KDM2A: variants seen among roughly 807,000 people sequenced by gnomAD.
KDM2A encodes the protein lysine-specific demethylase 2A.
KDM2A carries 3 observed loss-of-function variants against 137.3 expected under a neutral mutation model. The ratio of observed to expected loss-of-function variants is 0.02; its 90% confidence interval spans 0.01 to 0.06. KDM2A has a LOEUF of 0.06. Ranked by LOEUF, KDM2A falls within the 10% of genes least tolerant of loss-of-function variation. The pLI is 1.00. For synonymous variants in KDM2A, 512 were observed against 541.5 expected (o/e 0.95, Z 0.76); for missense variants, 738 against 1,510.6 (o/e 0.49, Z 8.48).
intron 2 of KDM2A, among the ~76,000 whole-genome samples, chr11:67,144,443 G>C (rs1056241710): frequency 7.4e-4 from 113 of 151,694 alleles, no homozygotes; most frequent in African/African-American, 2.5e-3. Context: ...GTAGAGTTGG[G>C]GTTTCTCCAT....
intron 10 of KDM2A, among the ~76,000 whole-genome samples, chr11:67,227,548 A>G (rs1315921053): frequency 1.3e-5 from 2 of 151,998 alleles, no homozygotes; most frequent in African/African-American, 2.4e-5. Context: ...TGGTGGTTCT[A>G]AATGGTCTTC....
At chr11:67,171,541 A>G (rs192173504) in intron 2 of KDM2A, among the ~76,000 whole-genome samples, 1 of 152,336 alleles carries the variant, frequency 6.6e-6, no homozygotes, top group East Asian at 1.9e-4. Flanking sequence ...AAAGTAATAG[A>G]AAAAGTGACA....
At chr11:67,235,124 G>A (rs1858827706) in intron 12 of KDM2A, among the ~76,000 whole-genome samples, 1 of 137,476 alleles carries the variant, frequency 7.3e-6, no homozygotes, top group Non-Finnish European at 1.5e-5. Flanking sequence ...CAGCCTGGGT[G>A]ACAGAGCAAG....
intron 2 of KDM2A, among the ~76,000 whole-genome samples, chr11:67,155,605 G>GTTTTCA (rs1555082691): frequency 6.7e-6 from 1 of 150,334 alleles, no homozygotes; most frequent in Non-Finnish European, 1.5e-5. Flanking sequence ...CACTGGCTTG[G>GTTTTCA]TTTTTATTTT....
intron 10 of KDM2A, among the ~76,000 whole-genome samples, chr11:67,225,640 C>G (rs142835968): frequency 0.015 from 2,247 of 151,896 alleles, 27 homozygotes; most frequent in Non-Finnish European, 0.023. Flanking sequence ...TGTGGTGGCG[C>G]ATGCCTGTAA....
intron 2 of KDM2A, among the ~76,000 whole-genome samples, chr11:67,147,528 C>A (rs556058919): frequency 1.4e-5 from 2 of 147,668 alleles, no homozygotes; most frequent in African/African-American, 2.5e-5. Flanking sequence ...GGCGACAGAG[C>A]GAGACTCCGT....
At chr11:67,221,761 G>T (rs917611002) in intron 10 of KDM2A, among the ~76,000 whole-genome samples, 23 of 152,200 alleles carry the variant, frequency 1.5e-4, no homozygotes, top group African/African-American at 5.5e-4. Flanking sequence ...TGTGAAGCAA[G>T]GAGTTTGAGA....
intron 8 of KDM2A, among the ~76,000 whole-genome samples, chr11:67,216,297 G>A (rs566490347): frequency 5.9e-5 from 9 of 152,302 alleles, no homozygotes; most frequent in East Asian, 3.9e-4. Context: ...AAGGGAACAC[G>A]AATTTTGGAT....
chr11:67,247,129 G>A (rs1465589538), intron 15 of KDM2A, among the ~76,000 whole-genome samples: 2 of 89,460 alleles, frequency 2.2e-5, no homozygotes, highest in East Asian at 3.7e-4. Flanking sequence ...TGCTCCTTTT[G>A]CCTAGGCTAG....
At chr11:67,124,687 TTTGTC>T (rs1643103706) in intron 2 of KDM2A, among the ~76,000 whole-genome samples, 1 of 151,278 alleles carries the variant, frequency 6.6e-6, no homozygotes, top group Admixed American at 6.6e-5. Flanking sequence ...ACTCTTGACT[TTTGTC>T]TTGGCAAGAT....
rs757221240 is a variant in KDM2A at position 67,250,672 on chromosome 11, G to A, written c.2642G>A (p.Arg881Gln). Residue 881 changes from arginine (R) to glutamine (Q), a missense_variant, in exon 17 of 21, where the codon CGG becomes CAG. By Grantham distance (43) the Arg-to-Gln change is conservative. Coordinates refer to ENST00000529006, the MANE Select transcript of KDM2A (RefSeq NM_012308.3). The surrounding 1 kb of genome is among the most constrained non-coding windows in gnomAD (Gnocchi z 7.1). ...EEGGAARLNG[R>Q]GSWAQDGDES... The stretch of plus-strand genomic sequence containing the variant: ...GGGGGTGCAGCCAGGCTGAATGGCC[G>A]GGGCAGTTGGGCTCAGGATGGAGAC... 8 of 1,604,060 alleles carry A rather than the reference G, an allele frequency of 5.0e-6. No individual in the cohort carries two copies. The highest frequency in any genetic ancestry group is 2.2e-5 in the East Asian group (1 of 44,716).
At chr11:67,210,786 G>A (rs1460944903) in intron 6 of KDM2A, among the ~76,000 whole-genome samples, 3 of 152,078 alleles carry the variant, frequency 2.0e-5, no homozygotes, top group African/African-American at 7.2e-5. Flanking sequence ...GACTTCATGT[G>A]GAATAGTCAC....
chr11:67,193,861 AATAC>A (rs759174639), intron 5 of KDM2A, among the ~76,000 whole-genome samples: 14 of 152,144 alleles, frequency 9.2e-5, no homozygotes, highest in Admixed American at 8.5e-4. Flanking sequence ...ACCCCATCTC[AATAC>A]ATACATACAT....
At chr11:67,132,574 G>A (rs61395951) in intron 2 of KDM2A, among the ~76,000 whole-genome samples, 4,845 of 152,176 alleles carry the variant, frequency 0.032, 124 homozygotes, top group African/African-American at 0.07. Flanking sequence ...GGCATGAGCC[G>A]CTGCGTCCAG....
intron 5 of KDM2A, among the ~76,000 whole-genome samples, chr11:67,186,294 T>G (rs890183865): frequency 1.3e-5 from 2 of 152,082 alleles, no homozygotes; most frequent in African/African-American, 4.8e-5. Context: ...TCAGTAAAAT[T>G]ATGAACGAAT....
chr11:67,170,387 GTTTTTTTTTTTTCTTTCTTTCTTTT>G (rs1856855097), intron 2 of KDM2A, among the ~76,000 whole-genome samples: 1 of 56,328 alleles, frequency 1.8e-5, no homozygotes, highest in African/African-American at 3.5e-5. Flanking sequence ...CAAGCATGGG[GTTTTTTTTTTTTCTTTCTTTCTTTT>G]TTTTTTTTTT....
At chr11:67,135,943 AT>A (rs1472958194) in intron 2 of KDM2A, among the ~76,000 whole-genome samples, 1 of 152,230 alleles carries the variant, frequency 6.6e-6, no homozygotes, top group East Asian at 1.9e-4. Context: ...TCATCCTATC[AT>A]ATACTTTCAT....
intron 2 of KDM2A, among the ~76,000 whole-genome samples, chr11:67,156,868 G>C (rs1856526933): frequency 6.6e-6 from 1 of 152,034 alleles, no homozygotes; most frequent in South Asian, 2.1e-4. Flanking sequence ...CATCCAGCCT[G>C]CTGACAGGGT....
chr11:67,179,425 C>T (rs963653043), intron 2 of KDM2A, among the ~76,000 whole-genome samples: 3 of 152,140 alleles, frequency 2.0e-5, no homozygotes, highest in Non-Finnish European at 2.9e-5. Context: ...AGGCATGTGC[C>T]ACTACGCCCA....
Sources: gnomAD v4.1 joint callset for allele counts (sites outside exome capture counted in the v4.1 genomes callset) on GRCh38, gnomAD v4.1.1 for gene constraint, Gnocchi (gnomAD v3.1) non-coding constraint, MANE v1.5 for transcripts, NCBI Gene and HGNC (gene_info 2026-07-23, HGNC 2026-07-21) for gene names.